The following PRKCB variants were observed in gnomAD, a reference collection of about 807,000 sequenced individuals.
PRKCB encodes protein kinase C beta.
PRKCB carries 13 observed loss-of-function variants against 81.5 expected under a neutral mutation model. The observed-to-expected ratio is 0.16, with a 90% CI of 0.10 to 0.25. PRKCB has a LOEUF of 0.25. Ranked by LOEUF, PRKCB falls within the 10% of genes least tolerant of loss-of-function variation. PRKCB has a pLI of 1.00. For missense variants in PRKCB, 509 were observed against 875.7 expected (o/e 0.58, Z 5.29); for synonymous variants, 335 against 321.4 (o/e 1.04, Z -0.45).
intron 9 of PRKCB, among the ~76,000 whole-genome samples, chr16:24,125,656 T>C (rs1336465965): frequency 6.6e-6 from 1 of 152,210 alleles, no homozygotes; most frequent in Non-Finnish European, 1.5e-5. Context: ...CTTTCTAAGG[T>C]CTAAGCTCCA....
intron 2 of PRKCB, among the ~76,000 whole-genome samples, chr16:23,876,094 A>C (rs1963010052): frequency 6.6e-6 from 1 of 152,182 alleles, no homozygotes; most frequent in South Asian, 2.1e-4. Flanking sequence ...TTGATTGATC[A>C]ACTCATTTAC....
intron 5 of PRKCB, among the ~76,000 whole-genome samples, chr16:24,077,738 C>A (rs1022975926): frequency 6.6e-6 from 1 of 152,196 alleles, no homozygotes; most frequent in African/African-American, 2.4e-5. Context: ...CCCTTCATCC[C>A]TGAACAACAG....
At chr16:24,213,413 G>T (rs1448263699) in intron 16 of PRKCB, among the ~76,000 whole-genome samples, 2 of 152,086 alleles carry the variant, frequency 1.3e-5, no homozygotes, top group East Asian at 3.9e-4. Flanking sequence ...CTATTGGTTT[G>T]CTGAGATTAT....
chr16:23,863,253 CAT>C (rs1195226836), intron 2 of PRKCB, among the ~76,000 whole-genome samples: 412 of 61,282 alleles, frequency 6.7e-3, no homozygotes, highest in African/African-American at 0.016. Flanking sequence ...TATATATACA[CAT>C]ACACACACAC....
intron 2 of PRKCB, among the ~76,000 whole-genome samples, chr16:23,961,075 G>T (rs1211200135): frequency 1.3e-5 from 2 of 151,372 alleles, no homozygotes; most frequent in African/African-American, 2.4e-5. Flanking sequence ...CTAGATTTTT[G>T]CTTATTTTTT....
rs552011347 is a variant in PRKCB, at chr16:24,125,501, T to C, written c.1065+1520T>C. 2.0e-5 allele frequency among the ~76,000 whole-genome samples: 3 copies of C among 152,346 alleles called. No homozygotes were observed. In the East Asian group the frequency reaches 5.8e-4, roughly 29 times the overall value. On this transcript the variant is annotated intron_variant, in intron 9 of 16. Transcript: ENST00000643927. ...GCTTCCTGCAATTCACATCTCAACT[T>C]AGACGCCACTTCTTCTGAAAAATCT...
Position 24,109,467 on chromosome 16 carries a change from C to A in PRKCB, c.822-3506C>A, listed in dbSNP as rs1462185740. On this transcript the variant is annotated intron_variant, in intron 7 of 16. Transcript: ENST00000643927. ...GCAGAGGTGCTCCTCACATCCCAGA[C>A]GGGGCGGCGGGGCAGAGGCGCTCCC... Among the ~76,000 whole-genome samples the A allele has an allele frequency of 9.5e-5, 10 of 104,946 alleles. No homozygotes were observed. The East Asian group carries it at 2.8e-3, about 29-fold the overall frequency. The allele number at this position is 104,946 out of a possible 152,430, so 68.8% of individuals were successfully genotyped here. A position where few individuals can be genotyped will look rare whatever the true frequency, so the allele number is the denominator to read the frequency against.
intron 5 of PRKCB, among the ~76,000 whole-genome samples, chr16:24,062,662 G>C (rs1447601227): frequency 1.3e-5 from 2 of 152,070 alleles, no homozygotes; most frequent in Admixed American, 1.3e-4. Context: ...AATCCACTGG[G>C]GGTGAGTTCA....
intron 2 of PRKCB, among the ~76,000 whole-genome samples, chr16:23,850,448 C>T (rs893939278): frequency 2.6e-5 from 4 of 152,148 alleles, no homozygotes; most frequent in African/African-American, 4.8e-5. Flanking sequence ...TCACTGCAAC[C>T]TCCACCTCTC....
Position 24,219,773 on chromosome 16 carries a change from C to A in PRKCB, c.*4957C>A. 1.1e-5 allele frequency: 15 copies of A among 1,399,108 alleles called. No individual in the cohort carries two copies. Among genetic ancestry groups the A allele is most frequent in the Non-Finnish European group, 1.4e-5 (15 of 1,079,408 alleles). The allele number at this position is 1,399,108 out of a possible 1,614,324, so 86.7% of individuals were successfully genotyped here. ...TTCTTAGAAAATTTCCACCACATTT[C>A]TATCCCCAAGCCAACATACAATGTG... On this transcript the variant is annotated 3_prime_UTR_variant, in exon 17 of 17. Transcript: ENST00000643927.
At chr16:23,912,207 C>A (rs1186952806) in intron 2 of PRKCB, among the ~76,000 whole-genome samples, 5 of 152,052 alleles carry the variant, frequency 3.3e-5, no homozygotes. Context: ...CCGTTTAACC[C>A]TTAATTGCAT....
intron 5 of PRKCB, among the ~76,000 whole-genome samples, chr16:24,082,060 T>C (rs184527177): frequency 9.6e-4 from 146 of 152,280 alleles, no homozygotes; most frequent in African/African-American, 3.5e-3. Context: ...AAAAATCAAT[T>C]GTATTTCTAT....
intron 2 of PRKCB, among the ~76,000 whole-genome samples, chr16:23,935,539 C>T (rs1174173173): frequency 1.3e-5 from 2 of 152,232 alleles, no homozygotes; most frequent in Non-Finnish European, 2.9e-5. Flanking sequence ...ATATATCCCT[C>T]CTCCACCCCA....
chr16:24,083,313 T>C (rs958869484), intron 5 of PRKCB, among the ~76,000 whole-genome samples: 1 of 152,190 alleles, frequency 6.6e-6, no homozygotes, highest in Non-Finnish European at 1.5e-5. Flanking sequence ...AACAAACGCA[T>C]ATAACTGAAT....
At chr16:24,018,459 T>C (rs1464273054) in intron 3 of PRKCB, among the ~76,000 whole-genome samples, 1 of 152,202 alleles carries the variant, frequency 6.6e-6, no homozygotes, top group African/African-American at 2.4e-5. Flanking sequence ...TATTCCAGTT[T>C]CCACACAAGG....
chr16:23,972,999 T>G (rs549393287), intron 2 of PRKCB, among the ~76,000 whole-genome samples: 12 of 152,210 alleles, frequency 7.9e-5, no homozygotes, highest in Non-Finnish European at 1.8e-4. Context: ...TTTAATGTGT[T>G]GTCACATTTA....
intron 16 of PRKCB, among the ~76,000 whole-genome samples, chr16:24,204,761 A>G (rs188448005): frequency 3.9e-5 from 6 of 152,316 alleles, no homozygotes; most frequent in African/African-American, 1.2e-4. Flanking sequence ...TAGGATACAA[A>G]CCAAGATGTT....
At chr16:23,851,121 CCTCCCATTTGT>C (rs1385049653) in intron 2 of PRKCB, among the ~76,000 whole-genome samples, 2 of 152,020 alleles carry the variant, frequency 1.3e-5, no homozygotes, top group Non-Finnish European at 2.9e-5. Context: ...AGTTTGATGC[CCTCCCATTTGT>C]CTCCTTTTGC....
intron 5 of PRKCB, among the ~76,000 whole-genome samples, chr16:24,065,906 TC>T (rs1414659539): frequency 1.3e-5 from 2 of 152,264 alleles, no homozygotes; most frequent in African/African-American, 4.8e-5. Context: ...GCTGTTATTT[TC>T]TTTCGGCACT....
Sources: allele counts gnomAD v4.1 joint callset (sites outside exome capture counted in the v4.1 genomes callset), GRCh38; gene constraint gnomAD v4.1.1; transcripts MANE v1.5; gene names NCBI Gene and HGNC (gene_info 2026-07-23, HGNC 2026-07-21).